The following NRXN3 variants were observed in gnomAD, a reference collection of about 807,000 sequenced individuals.
NRXN3 encodes neurexin 3, also known as neurexin III.
Under a neutral mutation model 137.6 loss-of-function variants are expected in NRXN3, and 32 were observed. The ratio of observed to expected loss-of-function variants is 0.23; its 90% CI spans 0.18 to 0.31. The LOEUF (loss-of-function observed/expected upper bound fraction) is 0.31, where lower values mean the gene tolerates loss of function less well. Among genes scored for constraint, NRXN3 ranks in the 10% least tolerant of loss-of-function variants. The pLI, the probability that NRXN3 is intolerant of heterozygous loss-of-function variation, is 1.00. For synonymous variants in NRXN3, 798 were observed against 784.5 expected (o/e 1.02, Z -0.29); for missense variants, 1,574 against 2,062.5 (o/e 0.76, Z 4.59).
intron 6 of NRXN3, among the ~76,000 whole-genome samples, chr14:78,652,963 A>G (rs567608587): frequency 1.3e-5 from 2 of 152,346 alleles, no homozygotes; most frequent in East Asian, 3.9e-4. Context: ...AGTAGAGGAA[A>G]CATAAATTTT....
chr14:78,796,114 T>C (rs990991901), intron 8 of NRXN3, among the ~76,000 whole-genome samples: 38 of 152,200 alleles, frequency 2.5e-4, no homozygotes, highest in Admixed American at 1.9e-3. Flanking sequence ...GCCAAGAACA[T>C]TGGGCTCACT....
At chr14:78,528,038 C>T (rs1411683987) in intron 4 of NRXN3, among the ~76,000 whole-genome samples, 1 of 152,144 alleles carries the variant, frequency 6.6e-6, no homozygotes, top group South Asian at 2.1e-4. Context: ...ATTAGAACTG[C>T]CCTGTATAAA....
intron 4 of NRXN3, among the ~76,000 whole-genome samples, chr14:78,588,936 A>T (rs74064315): frequency 0.011 from 1,724 of 152,330 alleles, 32 homozygotes; most frequent in African/African-American, 0.039. Context: ...AGGGAAAGAC[A>T]AAAACACTCA....
At chr14:79,072,724 CTG>C (rs2099689544) in intron 15 of NRXN3, among the ~76,000 whole-genome samples, 1 of 152,096 alleles carries the variant, frequency 6.6e-6, no homozygotes. Flanking sequence ...CTTTTAAAAA[CTG>C]TAAAATGCTT....
chr14:79,613,200 T>C (rs748451303), intron 16 of NRXN3, among the ~76,000 whole-genome samples: 2 of 152,216 alleles, frequency 1.3e-5, no homozygotes, highest in Admixed American at 6.5e-5. Context: ...AACACAAAGA[T>C]AAAAAATATA....
chr14:78,419,603 G>A (rs903546065), intron 4 of NRXN3, among the ~76,000 whole-genome samples: 2 of 152,066 alleles, frequency 1.3e-5, no homozygotes, highest in Admixed American at 1.3e-4. Flanking sequence ...CTGGGGATAC[G>A]GCTCAAGGAG....
At chr14:79,374,414 C>T (rs768934317) in intron 15 of NRXN3, among the ~76,000 whole-genome samples, 5 of 151,894 alleles carry the variant, frequency 3.3e-5, no homozygotes, top group African/African-American at 4.8e-5. Context: ...ATAAGATTAA[C>T]TAAAGGGACT....
chr14:79,522,295 G>A (rs1282033494), intron 16 of NRXN3, among the ~76,000 whole-genome samples: 1 of 152,074 alleles, frequency 6.6e-6, no homozygotes, highest in Non-Finnish European at 1.5e-5. Flanking sequence ...ACTGCAGAGT[G>A]GTATGAAGCA....
intron 2 of NRXN3, among the ~76,000 whole-genome samples, chr14:78,264,887 C>T (rs139790122): frequency 2.2e-3 from 338 of 152,290 alleles, no homozygotes; most frequent in African/African-American, 7.9e-3. Flanking sequence ...TTCCCTCTCT[C>T]GTCTTTGTTG....
In NRXN3 at chr14:78,452,212, A is replaced by G. The variant is rs1425089761; in HGVS notation, c.757+154352A>G. ...AGAGCAAAGATGCTGGAGCCAGGTT[A>G]CTTGGCTCAAGTCTCAGCTCACCAG... On this transcript the variant is annotated intron_variant, in intron 4 of 20. Coordinates refer to ENST00000335750, the MANE Select transcript of NRXN3 (RefSeq NM_001330195.2). Among the ~76,000 whole-genome samples the G allele has an allele frequency of 2.6e-5, 4 of 152,206 alleles. No homozygotes were observed. In the South Asian group the frequency reaches 6.2e-4, roughly 24 times the overall value.
chr14:78,409,734 A>G (rs1232796217), intron 4 of NRXN3, among the ~76,000 whole-genome samples: 1 of 152,212 alleles, frequency 6.6e-6, no homozygotes, highest in African/African-American at 2.4e-5. Context: ...TATTGAAAAG[A>G]TAGATCTCAA....
intron 4 of NRXN3, among the ~76,000 whole-genome samples, chr14:78,400,241 G>A (rs1024150782): frequency 2.6e-5 from 4 of 152,158 alleles, no homozygotes; most frequent in Non-Finnish European, 2.9e-5. Context: ...CCAAGAAGTA[G>A]TAGTTATTCC....
chr14:79,528,735 G>C (rs1441370144), intron 16 of NRXN3, among the ~76,000 whole-genome samples: 1 of 151,972 alleles, frequency 6.6e-6, no homozygotes. Flanking sequence ...AGATATTACA[G>C]ATAGCATTTC....
chr14:78,399,966 AT>A (rs2091895585), intron 4 of NRXN3, among the ~76,000 whole-genome samples: 1 of 152,214 alleles, frequency 6.6e-6, no homozygotes. Flanking sequence ...TTCTCACATC[AT>A]TTATCTATAC....
chr14:78,334,109 TGGA>T (rs1380180921), intron 4 of NRXN3, among the ~76,000 whole-genome samples: 1 of 152,096 alleles, frequency 6.6e-6, no homozygotes, highest in African/African-American at 2.4e-5. Context: ...TGGGGAAGAC[TGGA>T]GGAGGAGACA....
chr14:78,918,020 T>C (rs1428415989), intron 10 of NRXN3, among the ~76,000 whole-genome samples: 2 of 142,054 alleles, frequency 1.4e-5, no homozygotes, highest in Admixed American at 1.4e-4. Flanking sequence ...GCATGGTAGC[T>C]CACGCCTGTA....
intron 2 of NRXN3, among the ~76,000 whole-genome samples, chr14:78,275,512 C>T (rs150407169): frequency 6.6e-6 from 1 of 152,250 alleles, no homozygotes; most frequent in African/African-American, 2.4e-5. Context: ...AAGCTGTTTT[C>T]TTCTATGCTC....
chr14:79,808,240 T>TA lies in NRXN3; in HGVS notation c.4093+3066dup, dbSNP rs35474581. ...CAACAGAGTGAGACTCTCTCTCAAT[T>TA]AAAAAAAAAAAAAAAATATATATAT... On this transcript the variant is annotated intron_variant, in intron 20 of 20. Coordinates refer to ENST00000335750, the MANE Select transcript of NRXN3 (RefSeq NM_001330195.2). Among the ~76,000 whole-genome samples, 587 of 124,192 alleles carry TA rather than the reference T, an allele frequency of 4.7e-3. 5 individuals carry two copies. The highest frequency in any genetic ancestry group is 5.8e-3 in the Non-Finnish European group (357 of 61,598). 81.5% of individuals were successfully genotyped at this position (124,192 alleles called of 152,430 possible).
intron 4 of NRXN3, among the ~76,000 whole-genome samples, chr14:78,434,113 A>G (rs191747593): frequency 6.6e-6 from 1 of 152,314 alleles, no homozygotes; most frequent in East Asian, 1.9e-4. Flanking sequence ...TGAATATCTC[A>G]TGTAATTTAT....
Sources: gnomAD v4.1 joint callset for allele counts (sites outside exome capture counted in the v4.1 genomes callset) on GRCh38, gnomAD v4.1.1 for gene constraint, MANE v1.5 for transcripts, NCBI Gene and HGNC (gene_info 2026-07-23, HGNC 2026-07-21) for gene names.